SLC2A14: variants seen among roughly 807,000 people sequenced by gnomAD.
SLC2A14 encodes solute carrier family 2 member 14, also known as solute carrier family 2, facilitated glucose transporter member 14.
SLC2A14 carries 13 observed loss-of-function variants against 43.0 expected under a neutral mutation model. The ratio of observed to expected loss-of-function variants is 0.30; its 90% CI spans 0.20 to 0.48. SLC2A14 has a LOEUF of 0.48. Among genes scored for constraint, SLC2A14 ranks in the 20% least tolerant of loss-of-function variants. SLC2A14 has a pLI of 0.99. For synonymous variants in SLC2A14, 190 were observed against 233.8 expected (o/e 0.81, Z 1.71); for missense variants, 428 against 620.4 (o/e 0.69, Z 3.29).
At chr12:7,858,681 T>C (rs150485523) in intron 2 of SLC2A14, among the ~76,000 whole-genome samples, 1 of 151,992 alleles carries the variant, frequency 6.6e-6, no homozygotes, top group East Asian at 1.9e-4. Context: ...GTATTTTTAG[T>C]AGAGATGGAG....
At chr12:7,883,595 T>C (rs12810365) in intron 1 of SLC2A14, among the ~76,000 whole-genome samples, 13,501 of 85,706 alleles carry the variant, frequency 0.16, 443 homozygotes, top group South Asian at 0.25. Flanking sequence ...CTTTTCTTTT[T>C]TTTTTTTTTT....
intron 2 of SLC2A14, among the ~76,000 whole-genome samples, chr12:7,860,133 ATCCC>A (rs879468422): frequency 7.2e-5 from 11 of 152,104 alleles, no homozygotes; most frequent in South Asian, 2.1e-4. Flanking sequence ...TCTTTGCGCC[ATCCC>A]TCCCAGTACT....
chr12:7,848,926 G>A (rs1461983148), intron 2 of SLC2A14, among the ~76,000 whole-genome samples: 3 of 150,420 alleles, frequency 2.0e-5, no homozygotes, highest in Non-Finnish European at 4.4e-5. Flanking sequence ...GTGCGATCTG[G>A]GCTCACTGGA....
intron 4 of SLC2A14, chr12:7,831,252 GT>G (rs35386927): frequency 0.086 from 13,560 of 157,952 alleles, 572 homozygotes; most frequent in African/African-American, 0.17. Context: ...CCCCAGTTTT[GT>G]TTTTTTTTTT....
chr12:7,878,220 T>C (rs888332396), upstream of SLC2A14, among the ~76,000 whole-genome samples: 3 of 151,900 alleles, frequency 2.0e-5, no homozygotes, highest in Non-Finnish European at 4.4e-5. Context: ...CTGGCTAAGT[T>C]TTGTATTTTT....
rs374261972 is a variant in SLC2A14, at chr12:7,832,733, C to G, written c.100G>C (p.Ala34Pro). ...QFGYNTGVINAPETIIKEFIN... is the reference protein window; with the variant it reads ...QFGYNTGVINPPETIIKEFIN... Reference sequence around the variant, plus strand: ...GGCCTGGCACTCACCGTCTCAGGAGCATTGATGACCCCAGTGTTGTAGCCA... The same window carrying G: ...GGCCTGGCACTCACCGTCTCAGGAGGATTGATGACCCCAGTGTTGTAGCCA... Residue 34 changes from alanine (A) to proline (P), a missense_variant, in exon 3 of 11, where the codon GCT becomes CCT. Around this residue, in one of 4 missense-constraint regions of SLC2A14, gnomAD observed 122 missense variants for 128.8 expected, o/e 0.95. Coordinates refer to ENST00000431042, the MANE Select transcript of SLC2A14 (RefSeq NM_001286234.2). 8.1e-6 allele frequency: 13 copies of G among 1,613,928 alleles called. No individual in the cohort carries two copies. Among genetic ancestry groups the G allele is most frequent in the Admixed American group, 1.7e-5 (1 of 59,986 alleles).
At chr12:7,826,872 T>TCCTTCCCTC (rs1406647423) in intron 7 of SLC2A14, among the ~76,000 whole-genome samples, 3 of 64,236 alleles carry the variant, frequency 4.7e-5, no homozygotes, top group African/African-American at 2.0e-4. Context: ...TTTCTTTCTT[T>TCCTTCCCTC]CTTTCTTTCT....
intron 2 of SLC2A14, among the ~76,000 whole-genome samples, chr12:7,868,960 C>T (rs1235022510): frequency 2.6e-5 from 4 of 152,058 alleles, no homozygotes; most frequent in African/African-American, 9.7e-5. Flanking sequence ...GCCTGACCAA[C>T]ATGGAGAAAC....
At chr12:7,847,907 C>A (rs983778014) in intron 2 of SLC2A14, among the ~76,000 whole-genome samples, 5 of 152,098 alleles carry the variant, frequency 3.3e-5, no homozygotes, top group African/African-American at 4.8e-5. Flanking sequence ...GCCATCAACA[C>A]ATTTACTTCT....
intron 3 of SLC2A14, among the ~76,000 whole-genome samples, chr12:7,832,471 C>T (rs900542803): frequency 1.3e-5 from 2 of 152,120 alleles, no homozygotes; most frequent in African/African-American, 4.8e-5. Flanking sequence ...ATATTGTCTC[C>T]ATCTTCAGTC....
intron 2 of SLC2A14, among the ~76,000 whole-genome samples, chr12:7,848,518 C>T (rs1312207247): frequency 1.3e-5 from 2 of 151,712 alleles, no homozygotes; most frequent in African/African-American, 2.4e-5. Context: ...TCCTTGTCCC[C>T]GCCCATCCTA....
At chr12:7,863,520 G>A (rs1944725238) in intron 2 of SLC2A14, 7 of 402,098 alleles carry the variant, frequency 1.7e-5, no homozygotes, top group South Asian at 9.0e-5. Flanking sequence ...CCAGCTACCT[G>A]GGAGGCTGAG....
At chr12:7,868,311 T>G (rs781513467) in intron 2 of SLC2A14, among the ~76,000 whole-genome samples, 4 of 152,316 alleles carry the variant, frequency 2.6e-5, no homozygotes, top group Admixed American at 1.3e-4. Context: ...ACAATGCTAT[T>G]GTACAGGAAA....
intron 2 of SLC2A14, chr12:7,856,450 A>G (rs1231821411): frequency 3.9e-5 from 6 of 152,206 alleles, no homozygotes; most frequent in Non-Finnish European, 5.9e-5. Context: ...CAGCCAGAAC[A>G]ACATAGCAAG....
chr12:7,834,721 G>GA (rs139733135), intron 2 of SLC2A14, among the ~76,000 whole-genome samples: 73,476 of 150,288 alleles, frequency 0.49, 18,848 homozygotes, highest in Non-Finnish European at 0.58. Context: ...CCTCAAAAAA[G>GA]AAAAAAAAAG....
intron 10 of SLC2A14, among the ~76,000 whole-genome samples, chr12:7,816,266 G>A (rs771445659): frequency 9.6e-6 from 1 of 103,756 alleles, no homozygotes; most frequent in Non-Finnish European, 1.9e-5. Context: ...CACCGCTCCC[G>A]GCTAATTTTT....
intron 2 of SLC2A14, among the ~76,000 whole-genome samples, chr12:7,848,362 T>C (rs754260469): frequency 6.9e-6 from 1 of 145,816 alleles, no homozygotes; most frequent in African/African-American, 2.5e-5. Context: ...AATATTTGTA[T>C]CTCAGATTGT....
At position 7,841,540 on chromosome 12, in the gene SLC2A14, C is replaced by T. The variant is rs751187906; in HGVS notation, c.19-8726G>A. On this transcript the variant is annotated intron_variant, in intron 2 of 10. Coordinates refer to ENST00000431042, the MANE Select transcript of SLC2A14 (RefSeq NM_001286234.2). Reference sequence around the variant, plus strand: ...CCTTCCAAAGTGCTAGGATTACAGGCGTGAGCCAGCTCGCCGAGCCACATC... The same window carrying T: ...CCTTCCAAAGTGCTAGGATTACAGGTGTGAGCCAGCTCGCCGAGCCACATC... Among the ~76,000 whole-genome samples the T allele has an allele frequency of 4.4e-3, 676 of 152,218 alleles. 7 individuals are homozygous for T. Among genetic ancestry groups the T allele is most frequent in the African/African-American group, 0.016 (650 of 41,552 alleles).
At chr12:7,860,959 A>T (rs1423229023) in intron 2 of SLC2A14, among the ~76,000 whole-genome samples, 5 of 151,884 alleles carry the variant, frequency 3.3e-5, no homozygotes, top group African/African-American at 1.2e-4. Context: ...TGCCCAGCTA[A>T]TTTTTTATTT....
Sources: gnomAD v4.1 joint callset for allele counts (sites outside exome capture counted in the v4.1 genomes callset) on GRCh38, gnomAD v4.1.1 for gene constraint, gnomAD v4.1.1 regional missense constraint, MANE v1.5 for transcripts, NCBI Gene and HGNC (gene_info 2026-07-23, HGNC 2026-07-21) for gene names.